MGAM2: variants seen among roughly 807,000 people sequenced by gnomAD.
The protein encoded by MGAM2 is probable maltase-glucoamylase 2.
MGAM2 carries 98 observed loss-of-function variants against 96.1 expected under a neutral mutation model. The observed-to-expected ratio is 1.02, with a 90% CI of 0.87 to 1.21. The LOEUF (loss-of-function observed/expected upper bound fraction) is 1.21, where lower values mean the gene tolerates loss of function less well. Ranked by LOEUF, MGAM2 falls within the 50% of genes most tolerant of loss-of-function variation. The pLI is 0.00. For missense variants in MGAM2, 2,055 were observed against 1,182.4 expected (o/e 1.74, Z -10.82); for synonymous variants, 749 against 414.8 (o/e 1.81, Z -9.79).
chr7:142,112,486 G>C (rs531224314), intron 1 of MGAM2, among the ~76,000 whole-genome samples: 1 of 152,286 alleles, frequency 6.6e-6, no homozygotes, highest in East Asian at 1.9e-4. Context: ...TGCCTTTGCT[G>C]TGGTATTGAG....
chr7:142,184,615 G>C (rs887767240), intron 33 of MGAM2, among the ~76,000 whole-genome samples: 1 of 152,160 alleles, frequency 6.6e-6, no homozygotes, highest in African/African-American at 2.4e-5. Flanking sequence ...AAATTAGTTG[G>C]TACTATGGAT....
Position 142,143,752 on chromosome 7 carries a change from C to A in MGAM2, c.1318-17C>A. 1 of 591,452 alleles carries A rather than the reference C, an allele frequency of 1.7e-6. No individual in the cohort carries two copies. Among genetic ancestry groups the A allele is most frequent in the Non-Finnish European group, 3.1e-6 (1 of 319,782 alleles). The allele number at this position is 591,452 out of a possible 1,614,324, so 36.6% of individuals were successfully genotyped here. A position where few individuals can be genotyped will look rare whatever the true frequency, so the allele number is the denominator to read the frequency against. Reference sequence around the variant, plus strand: ...CTTCAACCAAGCTGATTGCCACTGCCTTCCTCTGTGTCCTAGGGATATCCG... The same window carrying A: ...CTTCAACCAAGCTGATTGCCACTGCATTCCTCTGTGTCCTAGGGATATCCG... On this transcript the variant is annotated splice_polypyrimidine_tract_variant and intron_variant, in intron 12 of 47. Coordinates refer to ENST00000477922, the MANE Select transcript of MGAM2 (RefSeq NM_001293626.2).
At chr7:142,143,058 A>G (rs1795280490) in intron 12 of MGAM2, among the ~76,000 whole-genome samples, 1 of 152,206 alleles carries the variant, frequency 6.6e-6, no homozygotes, top group Non-Finnish European at 1.5e-5. Context: ...TTGAGTTTTG[A>G]GAAGTATCCA....
chr7:142,205,409 C>T (rs1395828270), intron 45 of MGAM2, among the ~76,000 whole-genome samples: 1 of 152,050 alleles, frequency 6.6e-6, no homozygotes, highest in Non-Finnish European at 1.5e-5. Context: ...AGAGGCAGCA[C>T]CATTTTACAT....
intron 5 of MGAM2, 32 bp downstream of exon 5, chr7:142,131,659 C>T: frequency 1.4e-6 from 1 of 701,138 alleles, no homozygotes; most frequent in Non-Finnish European, 2.6e-6. Context: ...AAATACATTT[C>T]TGAAGAAAGC....
chr7:142,149,741 CAG>C lies in MGAM2; in HGVS notation c.1634+2169_1634+2170del, dbSNP rs879752391. Among the ~76,000 whole-genome samples the C allele has an allele frequency of 9.3e-3, 1,415 of 152,004 alleles. 11 individuals are homozygous for C. The highest frequency in any genetic ancestry group is 0.016 in the Non-Finnish European group (1,092 of 67,962). On this transcript the variant is annotated intron_variant, in intron 15 of 47. Coordinates refer to ENST00000477922, the MANE Select transcript of MGAM2 (RefSeq NM_001293626.2). ...ATTTTTTAGTAGAGACGGGGTTTCA[CAG>C]CGTTAGCCAGGATGGTCTCCATCTC...
In MGAM2 at chr7:142,156,150, CA is replaced by C. The variant is rs543376134; in HGVS notation, c.1923+1309del. On this transcript the variant is annotated intron_variant, in intron 17 of 47. Transcript: ENST00000477922. ...ACGAGAGCAAAATTCCGTCTCAAAA[CA>C]AAACAAAAAAAAAAACAAAGTACAA... Among the ~76,000 whole-genome samples the C allele has an allele frequency of 6.5e-4, 88 of 134,536 alleles. 1 individual carries two copies. In the Middle Eastern group the frequency reaches 0.015, roughly 23 times the overall value. The allele number at this position is 134,536 out of a possible 152,430, so 88.3% of individuals were successfully genotyped here.
At chr7:142,131,210 T>G in intron 4 of MGAM2, 139 bp downstream of exon 4, 1 of 617,350 alleles carries the variant, frequency 1.6e-6, no homozygotes, top group Non-Finnish European at 2.9e-6. Flanking sequence ...GAGGCTGACG[T>G]GGGTGGATCA....
chr7:142,191,882 AT>A lies in MGAM2; in HGVS notation c.4346+2383del, dbSNP rs1389180914. 5.9e-5 allele frequency among the ~76,000 whole-genome samples: 9 copies of A among 151,792 alleles called. No individual in the cohort carries two copies. In the East Asian group the frequency reaches 1.4e-3, roughly 23 times the overall value. On this transcript the variant is annotated intron_variant, in intron 37 of 47. Transcript: ENST00000477922. ...GTCTTTCCACTTATTTAGATCTTTAATTTTTTCAACAATTATTTTTAGTTTT... is the reference window on the plus strand; with the variant it reads ...GTCTTTCCACTTATTTAGATCTTTAATTTTTCAACAATTATTTTTAGTTTT...
At position 142,214,474 on chromosome 7, in the gene MGAM2, A is replaced by C. The variant is rs187080620; in HGVS notation, c.5188-3887A>C. 1.2e-4 allele frequency among the ~76,000 whole-genome samples: 18 copies of C among 152,342 alleles called. No individual in the cohort carries two copies. The East Asian group carries it at 3.1e-3, about 26-fold the overall frequency. ...CTTCAGCAAAGTCTCAGGATACAAA[A>C]TCAATGTGCAAAAATCACAAGCATT... is the stretch of plus-strand genomic sequence containing the variant. On this transcript the variant is annotated intron_variant, in intron 46 of 47. Coordinates refer to ENST00000477922, the MANE Select transcript of MGAM2 (RefSeq NM_001293626.2).
In MGAM2 at chr7:142,158,054, A is replaced by G. The variant is rs766060123; in HGVS notation, c.2041A>G (p.Thr681Ala). 1 of 702,834 alleles carries G rather than the reference A, an allele frequency of 1.4e-6. No individual in the cohort carries two copies. The highest frequency in any genetic ancestry group is 2.0e-5 in the Admixed American group (1 of 49,982). 43.5% of individuals were successfully genotyped at this position (702,834 alleles called of 1,614,324 possible). ...CTATACCCTTTTCTACCATGCTCAC[A>G]CCCGGGGAGAGACGGTAGCAAGGCC... Reference protein sequence around the residue: ...YLYTLFYHAHTRGETVARPLV... With the variant: ...YLYTLFYHAHARGETVARPLV... Residue 681 changes from threonine (T) to alanine (A), a missense_variant, in exon 18 of 48, where the codon ACC becomes GCC. Transcript: ENST00000477922.
At chr7:142,112,599 A>T (rs1248336475) in intron 1 of MGAM2, among the ~76,000 whole-genome samples, 1 of 152,020 alleles carries the variant, frequency 6.6e-6, no homozygotes, top group Non-Finnish European at 1.5e-5. Context: ...TTGGAGACCG[A>T]TCCTCTAAGT....
intron 17 of MGAM2, among the ~76,000 whole-genome samples, chr7:142,155,835 T>C (rs1795718965): frequency 6.6e-6 from 1 of 152,120 alleles, no homozygotes; most frequent in African/African-American, 2.4e-5. Flanking sequence ...GAGCCACATA[T>C]GTCAGTTTAA....
At position 142,192,302 on chromosome 7, in the gene MGAM2, G is replaced by T. The variant is rs75475543; in HGVS notation, c.4346+2797G>T. ...CAGTCTTGCTTTCCACACCTAGCTT[G>T]AGGCTTTTCCAACCAAGGAAAAACT... On this transcript the variant is annotated intron_variant, in intron 37 of 47. Transcript: ENST00000477922. 6.6e-3 allele frequency among the ~76,000 whole-genome samples: 1,007 copies of T among 152,192 alleles called. 7 individuals carry two copies. Among genetic ancestry groups the T allele is most frequent in the African/African-American group, 0.024 (982 of 41,538 alleles).
chr7:142,147,205 C>G (rs1795413135), intron 14 of MGAM2, among the ~76,000 whole-genome samples: 1 of 152,174 alleles, frequency 6.6e-6, no homozygotes, highest in Admixed American at 6.5e-5. Context: ...TTCTCAGTTG[C>G]CTCCCCTCAC....
intron 19 of MGAM2, among the ~76,000 whole-genome samples, chr7:142,158,922 T>C (rs554060373): frequency 1.3e-5 from 2 of 152,290 alleles, no homozygotes; most frequent in South Asian, 2.1e-4. Context: ...GAGCTGTTGT[T>C]ATAGCCACAC....
chr7:142,141,091 TG>T lies in MGAM2; in HGVS notation c.1293del (p.Ser432AlafsTer48). On this transcript the variant is annotated frameshift_variant, in exon 12 of 48. Transcript: ENST00000477922. LOFTEE classifies it high-confidence loss of function. ...GGAAGCCTAAAGAGAGTGTGGATCT[TG>T]GGGAGCAATGGCTTTGCTGTTGGGG... ...NNGSLKRVWI[L>X]GSNGFAVGEG... 3.0e-6 allele frequency: 2 copies of T among 660,066 alleles called. No individual in the cohort carries two copies. Among genetic ancestry groups the T allele is most frequent in the Non-Finnish European group, 5.5e-6 (2 of 364,924 alleles). 40.9% of individuals were successfully genotyped at this position (660,066 alleles called of 1,614,324 possible). A position where few individuals can be genotyped will look rare whatever the true frequency, so the allele number is the denominator to read the frequency against.
chr7:142,215,310 G>C (rs1247912001), intron 46 of MGAM2, among the ~76,000 whole-genome samples: 2 of 152,008 alleles, frequency 1.3e-5, no homozygotes, highest in African/African-American at 2.4e-5. Context: ...GGGGGTGGAG[G>C]GCAAGGAGAC....
In MGAM2 at chr7:142,220,018, C is replaced by T. The variant is rs1797870798; in HGVS notation, c.5507C>T (p.Ala1836Val). Reference sequence around the variant, plus strand: ...CATCCTTCTCCATCTACTACCAATGCCACCAGTTCTGAGACAATCACCAGT... The same window carrying T: ...CATCCTTCTCCATCTACTACCAATGTCACCAGTTCTGAGACAATCACCAGT... Reference protein sequence around the residue: ...SSHPSPSTTNATSSETITSSA... With the variant: ...SSHPSPSTTNVTSSETITSSA... Residue 1836 changes from alanine to valine, a missense_variant, in exon 48 of 48, where the codon GCC becomes GTC. Ala to Val is a moderately conservative substitution (Grantham distance 64). Coordinates refer to ENST00000477922, the MANE Select transcript of MGAM2 (RefSeq NM_001293626.2). 1.4e-6 allele frequency: 1 copy of T among 702,918 alleles called. No homozygotes were observed. Among genetic ancestry groups the T allele is most frequent in the Non-Finnish European group, 2.6e-6 (1 of 384,944 alleles). The allele number at this position is 702,918 out of a possible 1,614,324, so 43.5% of individuals were successfully genotyped here. A position where few individuals can be genotyped will look rare whatever the true frequency, so the allele number is the denominator to read the frequency against.
Sources: gnomAD v4.1 joint callset for allele counts (sites outside exome capture counted in the v4.1 genomes callset) on GRCh38, gnomAD v4.1.1 for gene constraint, MANE v1.5 for transcripts, NCBI Gene and HGNC (gene_info 2026-07-23, HGNC 2026-07-21) for gene names.